Variants in IGF2 observed in about 807,000 individuals in gnomAD.
IGF2 encodes the protein insulin like growth factor 2, also known as insulin-like growth factor 2.
IGF2 carries 2 observed loss-of-function variants against 12.0 expected under a neutral mutation model. That is an observed-to-expected ratio of 0.17 (90% CI 0.07 to 0.52). The LOEUF (loss-of-function observed/expected upper bound fraction) is 0.52. Ranked by LOEUF, IGF2 falls within the 20% of genes least tolerant of loss-of-function variation. IGF2 has a pLI of 0.95. For synonymous variants in IGF2, 105 were observed against 110.1 expected (o/e 0.95, Z 0.29); for missense variants, 211 against 268.0 (o/e 0.79, Z 1.48).
At chr11:2,137,501 C>T (rs945180142) in intron 1 of IGF2, among the ~76,000 whole-genome samples, 3 of 151,550 alleles carry the variant, frequency 2.0e-5, no homozygotes, top group Non-Finnish European at 4.4e-5. Context: ...ATCCTGCACC[C>T]CCGGCTCATC....
upstream of IGF2, chr11:2,140,157 G>A (rs1264097668): frequency 6.2e-7 from 1 of 1,613,244 alleles, no homozygotes; most frequent in East Asian, 2.2e-5. Context: ...GCTCACCGGG[G>A]TGCGTCTAAG....
At chr11:2,143,999 C>A (rs1057416494), upstream of IGF2, among the ~76,000 whole-genome samples, 1 of 152,186 alleles carries the variant, frequency 6.6e-6, no homozygotes, top group Non-Finnish European at 1.5e-5. Flanking sequence ...GCGCGGGCGG[C>A]GCGGGCAGGT....
chr11:2,135,549 G>A lies in IGF2; in HGVS notation c.-6-20C>T. The A allele has an allele frequency of 6.2e-7, 1 of 1,605,702 alleles. No individual in the cohort carries two copies. The highest frequency in any genetic ancestry group is 8.5e-7 in the Non-Finnish European group (1 of 1,174,536). On this transcript the variant is annotated intron_variant, in intron 1 of 3. Transcript: ENST00000416167. ...TGGTGTCTGGGGGCGGGAGAGAAGT[G>A]GCGTGAGCGGGGCAGCCAGGCCAAG...
chr11:2,132,726 G>A lies in IGF2; in HGVS notation c.*261C>T. The A allele has an allele frequency of 2.6e-6, 1 of 379,158 alleles. No individual in the cohort carries two copies. Among genetic ancestry groups the A allele is most frequent in the East Asian group, 3.8e-5 (1 of 26,116 alleles). 23.5% of individuals were successfully genotyped at this position (379,158 alleles called of 1,614,324 possible). A position where few individuals can be genotyped will look rare whatever the true frequency, so the allele number is the denominator to read the frequency against. ...GTGTGGGGATAATTGGGGATAATTT[G>A]GGGGGAGGGTATGTGAAGGGTGTTT... On this transcript the variant is annotated 3_prime_UTR_variant, in exon 4 of 4. Transcript: ENST00000416167.
Position 2,133,321 on chromosome 11 carries a change from G to A in IGF2, c.307-98C>T. The A allele has an allele frequency of 9.6e-7, 1 of 1,046,028 alleles. No individual in the cohort carries two copies. The highest frequency in any genetic ancestry group is 1.4e-6 in the Non-Finnish European group (1 of 728,372). The allele number at this position is 1,046,028 out of a possible 1,614,324, so 64.8% of individuals were successfully genotyped here. A position where few individuals can be genotyped will look rare whatever the true frequency, so the allele number is the denominator to read the frequency against. On this transcript the variant is annotated intron_variant, in intron 3 of 3. Transcript: ENST00000416167. This position sits in a 1 kb window ranked among gnomAD's most constrained non-coding sequence, Gnocchi z 8.9. ...GACAGGCCACCCCTGTGACTGATCA[G>A]TGACTTGAGCTAATGTCCACGGGCA...
Position 2,135,258 on chromosome 11 carries a change from G to T in IGF2, c.157+109C>A, listed in dbSNP as rs150982790. The stretch of plus-strand genomic sequence containing the variant: ...GGAAGGTCAAAGTCTCAGAGCAAGC[G>T]GCTGGGCTGCTGACCTAGGAGTGTG... On this transcript the variant is annotated intron_variant, in intron 2 of 3. Coordinates refer to ENST00000416167, the MANE Select transcript of IGF2 (RefSeq NM_000612.6). 3.0e-6 allele frequency: 3 copies of T among 1,011,304 alleles called. No individual in the cohort carries two copies. The East Asian group carries it at 8.5e-5, about 29-fold the overall frequency. The allele number at this position is 1,011,304 out of a possible 1,614,324, so 62.6% of individuals were successfully genotyped here.
At chr11:2,147,993 G>A in the IGF2 span, 2 of 406,020 alleles carry the variant, frequency 4.9e-6, no homozygotes, top group Non-Finnish European at 8.5e-6. The surrounding 1 kb of genome is among the most constrained non-coding windows in gnomAD (Gnocchi z 7.2). Flanking sequence ...CTCTTTCAAA[G>A]TATAAGGGAG....
upstream of IGF2, among the ~76,000 whole-genome samples, chr11:2,139,589 GCGGTCGCA>G (rs1859409161): frequency 6.8e-6 from 1 of 146,626 alleles, no homozygotes; most frequent in African/African-American, 2.5e-5. Context: ...GGGGGGGGCG[GCGGTCGCA>G]GGGGCTGGGG....
upstream of IGF2, among the ~76,000 whole-genome samples, chr11:2,145,713 TG>T (rs1170832656): frequency 2.0e-5 from 3 of 152,068 alleles, no homozygotes; most frequent in Admixed American, 6.5e-5. Flanking sequence ...GAGGAGCAGG[TG>T]GGGGAGTGGG....
chr11:2,138,489 G>T lies in IGF2; in HGVS notation c.-267C>A. 1.1e-6 allele frequency: 1 copy of T among 937,016 alleles called. No homozygotes were observed. Among genetic ancestry groups the T allele is most frequent in the Non-Finnish European group, 1.3e-6 (1 of 791,286 alleles). The allele number at this position is 937,016 out of a possible 1,614,324, so 58.0% of individuals were successfully genotyped here. A position where few individuals can be genotyped will look rare whatever the true frequency, so the allele number is the denominator to read the frequency against. Reference sequence around the variant, plus strand: ...ACTTTTCGGGGGGGAAAAGGTATCGGGAAATGAGGTCAGCTGTTGTATCAA... The same window carrying T: ...ACTTTTCGGGGGGGAAAAGGTATCGTGAAATGAGGTCAGCTGTTGTATCAA... On this transcript the variant is annotated 5_prime_UTR_variant, in exon 1 of 4. Transcript: ENST00000416167.
At chr11:2,148,797 C>T in the IGF2 span, 10 of 344,398 alleles carry the variant, frequency 2.9e-5, no homozygotes, top group South Asian at 1.9e-4. This position sits in a 1 kb window ranked among gnomAD's most constrained non-coding sequence, Gnocchi z 4.3. Flanking sequence ...TGTGTGTTCC[C>T]GCTGGGAAGA....
upstream of IGF2, chr11:2,140,101 A>G: frequency 1.2e-6 from 2 of 1,602,496 alleles, no homozygotes; most frequent in Non-Finnish European, 8.5e-7. Context: ...CAGAGGAGAG[A>G]GGATCAGGGC....
At chr11:2,136,275 C>T (rs563784985) in intron 1 of IGF2, among the ~76,000 whole-genome samples, 34 of 152,374 alleles carry the variant, frequency 2.2e-4, no homozygotes, top group African/African-American at 7.7e-4. Flanking sequence ...CACACACACA[C>T]GCCCAGAGCC....
chr11:2,136,049 G>T (rs140848750), intron 1 of IGF2, among the ~76,000 whole-genome samples: 1 of 152,152 alleles, frequency 6.6e-6, no homozygotes, highest in African/African-American at 2.4e-5. Context: ...AGCAGGGGGG[G>T]TCCAGGAGGA....
the IGF2 span, chr11:2,148,810 G>C: frequency 2.8e-6 from 1 of 361,728 alleles, no homozygotes; most frequent in Non-Finnish European, 5.0e-6. This position sits in a 1 kb window ranked among gnomAD's most constrained non-coding sequence, Gnocchi z 4.3. Context: ...TGGGAAGAGC[G>C]GCCTAGCCCT....
chr11:2,146,112 T>G (rs984306922), upstream of IGF2: 1 of 443,014 alleles, frequency 2.3e-6, no homozygotes, highest in African/African-American at 2.0e-5. Context: ...CCACAGAGGA[T>G]GAACATCCCC....
intron 1 of IGF2, 131 bp downstream of exon 1, chr11:2,138,098 C>T (rs1311373589): frequency 2.6e-5 from 11 of 429,602 alleles, no homozygotes; most frequent in Non-Finnish European, 3.1e-5. Flanking sequence ...TCCTCCTCCC[C>T]CCCGGGCTCA....
chr11:2,146,828 C>A, the IGF2 span: 5 of 196,430 alleles, frequency 2.5e-5, no homozygotes, highest in Admixed American at 1.1e-4. Context: ...CCCCTGTCAC[C>A]CCAGTGCCTG....
At chr11:2,149,315 G>C in the IGF2 span, 3 of 1,612,954 alleles carry the variant, frequency 1.9e-6, no homozygotes, top group Non-Finnish European at 2.5e-6. Context: ...TGGCCAGGTT[G>C]ACGTGGAGGA....
Sources: allele counts gnomAD v4.1 joint callset (sites outside exome capture counted in the v4.1 genomes callset), GRCh38; gene constraint gnomAD v4.1.1; non-coding constraint Gnocchi (gnomAD v3.1); transcripts MANE v1.5; gene names NCBI Gene and HGNC (gene_info 2026-07-23, HGNC 2026-07-21).